Variants in LUZP2 observed in about 807,000 individuals in gnomAD.
The protein encoded by LUZP2 is leucine zipper protein 2.
Under a neutral mutation model 51.6 loss-of-function variants are expected in LUZP2, and 52 were observed. The ratio of observed to expected loss-of-function variants is 1.01; its 90% CI spans 0.81 to 1.27. The LOEUF is 1.27. LUZP2 is among the 50% of genes most tolerant of loss of function. The pLI is 0.00. For synonymous variants in LUZP2, 154 were observed against 137.3 expected, an observed-to-expected ratio of 1.12 and a Z score of -0.85; for missense variants, 436 against 395.4, an observed-to-expected ratio of 1.10 and a Z score of -0.87.
chr11:24,707,750 G>C (rs572676548), intron 1 of LUZP2, among the ~76,000 whole-genome samples: 10 of 152,026 alleles, frequency 6.6e-5, no homozygotes, highest in African/African-American at 2.4e-4. Context: ...CATTGGTAAG[G>C]GTTGTTATAT....
intron 10 of LUZP2, among the ~76,000 whole-genome samples, chr11:25,051,739 G>C (rs113812326): frequency 1.6e-4 from 24 of 152,244 alleles, no homozygotes; most frequent in African/African-American, 5.3e-4. Context: ...TAAGGCCATG[G>C]TGTTAATTCT....
intron 1 of LUZP2, among the ~76,000 whole-genome samples, chr11:24,607,179 G>A (rs184962205): frequency 1.3e-5 from 2 of 150,184 alleles, no homozygotes; most frequent in Admixed American, 1.3e-4. Context: ...TCTCGCCTAG[G>A]CTTTTGATGT....
chr11:24,789,242 G>A (rs1307825658), intron 5 of LUZP2, among the ~76,000 whole-genome samples: 6 of 152,084 alleles, frequency 3.9e-5, no homozygotes, highest in Admixed American at 6.6e-5. Flanking sequence ...GAAGAGGGCT[G>A]GTAGTGAGGT....
intron 1 of LUZP2, among the ~76,000 whole-genome samples, chr11:24,684,425 G>T (rs1768355976): frequency 6.6e-6 from 1 of 152,076 alleles, no homozygotes; most frequent in Admixed American, 6.5e-5. Flanking sequence ...ATGTGCATTT[G>T]CTTGTAGTGT....
At chr11:24,939,010 T>C (rs1414342789) in intron 7 of LUZP2, among the ~76,000 whole-genome samples, 1 of 152,120 alleles carries the variant, frequency 6.6e-6, no homozygotes, top group Non-Finnish European at 1.5e-5. Flanking sequence ...AGCCACACTT[T>C]AAATTGGAAG....
chr11:24,904,061 G>T (rs184595057), intron 5 of LUZP2, among the ~76,000 whole-genome samples: 1 of 151,926 alleles, frequency 6.6e-6, no homozygotes, highest in South Asian at 2.1e-4. Context: ...ACTGTTTTCC[G>T]TAATGGCTGT....
At chr11:24,926,667 A>ATGTGTG (rs34450333) in intron 7 of LUZP2, among the ~76,000 whole-genome samples, 39 of 146,206 alleles carry the variant, frequency 2.7e-4, no homozygotes, top group African/African-American at 9.3e-4. Context: ...GTATATATAT[A>ATGTGTG]TGTGTGTGTG....
chr11:25,042,811 T>A (rs752057061), intron 9 of LUZP2, among the ~76,000 whole-genome samples: 62 of 152,294 alleles, frequency 4.1e-4, no homozygotes, highest in Non-Finnish European at 7.6e-4. Flanking sequence ...CTCCCTCTTC[T>A]TCTATCTTAT....
At chr11:24,886,011 C>A (rs74957259) in intron 5 of LUZP2, among the ~76,000 whole-genome samples, 1 of 152,064 alleles carries the variant, frequency 6.6e-6, no homozygotes, top group African/African-American at 2.4e-5. Flanking sequence ...GGACATCTGC[C>A]ACCAGTAGGA....
chr11:24,646,331 G>C (rs1196975770), intron 1 of LUZP2, among the ~76,000 whole-genome samples: 1 of 152,050 alleles, frequency 6.6e-6, no homozygotes, highest in Non-Finnish European at 1.5e-5. Context: ...AAATATAAGA[G>C]AGTTTTAAAT....
In LUZP2 at chr11:24,977,928, G is replaced by T. The variant is rs12576813; in HGVS notation, c.597+1263G>T. On this transcript the variant is annotated intron_variant, in intron 8 of 11. Transcript: ENST00000336930. Reference sequence around the variant, plus strand: ...TTAAAGGAAATACTCTGATGTCAAGGGCTTTCTATTTTTGTGGTCACAGCT... The same window carrying T: ...TTAAAGGAAATACTCTGATGTCAAGTGCTTTCTATTTTTGTGGTCACAGCT... 6.9e-3 allele frequency among the ~76,000 whole-genome samples: 1,031 copies of T among 150,412 alleles called. 21 individuals carry two copies. The East Asian group carries it at 0.075, about 11-fold the overall frequency.
chr11:24,612,847 A>G (rs1229697412), intron 1 of LUZP2, among the ~76,000 whole-genome samples: 4 of 152,006 alleles, frequency 2.6e-5, no homozygotes, highest in Non-Finnish European at 5.9e-5. Context: ...TATTTCTTTA[A>G]TTTTCTTTAG....
intron 1 of LUZP2, among the ~76,000 whole-genome samples, chr11:24,635,778 G>A (rs770213182): frequency 5.6e-4 from 85 of 152,176 alleles, no homozygotes; most frequent in South Asian, 1.0e-3. Flanking sequence ...AACATTTGAG[G>A]CCCACAGACA....
chr11:24,601,861 T>TGTGTATATATATAC (rs1262652134), intron 1 of LUZP2, among the ~76,000 whole-genome samples: 1 of 137,442 alleles, frequency 7.3e-6, no homozygotes, highest in African/African-American at 2.7e-5. Context: ...TATATATATA[T>TGTGTATATATATAC]ATGTGTATAT....
At chr11:24,711,715 G>A (rs1289258092) in intron 1 of LUZP2, among the ~76,000 whole-genome samples, 1 of 151,910 alleles carries the variant, frequency 6.6e-6, no homozygotes, top group Non-Finnish European at 1.5e-5. Context: ...TTATATAAAG[G>A]CAACATAGTT....
intron 9 of LUZP2, among the ~76,000 whole-genome samples, chr11:24,999,476 AAG>A (rs1465832597): frequency 3.3e-5 from 5 of 150,470 alleles, no homozygotes; most frequent in African/African-American, 5.0e-5. Context: ...AAAGGAGAAA[AAG>A]AAGAAGAAGA....
intron 4 of LUZP2, among the ~76,000 whole-genome samples, chr11:24,749,840 G>A (rs1859511384): frequency 1.3e-5 from 2 of 152,072 alleles, no homozygotes; most frequent in South Asian, 2.1e-4. Context: ...CAGACTGAAG[G>A]CTGCACTGTC....
At chr11:24,537,067 G>GGTGT (rs1851199718) in intron 1 of LUZP2, among the ~76,000 whole-genome samples, 1 of 151,820 alleles carries the variant, frequency 6.6e-6, no homozygotes, top group South Asian at 2.1e-4. Context: ...AGTCTTCCAT[G>GGTGT]GTGTGGTTTG....
At chr11:24,870,821 T>G (rs1325137670) in intron 5 of LUZP2, among the ~76,000 whole-genome samples, 1 of 152,154 alleles carries the variant, frequency 6.6e-6, no homozygotes, top group Non-Finnish European at 1.5e-5. Flanking sequence ...GATCATTTCG[T>G]TGTAAGAAGT....
Sources: gnomAD v4.1 joint callset for allele counts (sites outside exome capture counted in the v4.1 genomes callset) on GRCh38, gnomAD v4.1.1 for gene constraint, MANE v1.5 for transcripts, NCBI Gene and HGNC (gene_info 2026-07-23, HGNC 2026-07-21) for gene names.